CLUL1: variants seen among roughly 807,000 people sequenced by gnomAD.
The protein encoded by CLUL1 is clusterin-like protein 1.
Under a neutral mutation model 49.4 loss-of-function variants are expected in CLUL1, and 43 were observed. The ratio of observed to expected loss-of-function variants is 0.87; its 90% CI spans 0.68 to 1.12. The LOEUF is 1.12. Among genes scored for constraint, CLUL1 ranks in the 50% most tolerant of loss-of-function variants. The pLI is 0.00. For synonymous variants in CLUL1, 192 were observed against 184.9 expected (o/e 1.04, Z -0.31); for missense variants, 486 against 544.4 (o/e 0.89, Z 1.07).
chr18:637,838 G>A (rs538400256), intron 7 of CLUL1, among the ~76,000 whole-genome samples: 1 of 152,104 alleles, frequency 6.6e-6, no homozygotes, highest in East Asian at 1.9e-4. Flanking sequence ...GCCAGATATG[G>A]TGGTATGAAC....
chr18:597,941 T>G (rs1477346274), intron 1 of CLUL1: 1 of 152,214 alleles, frequency 6.6e-6, no homozygotes, highest in Non-Finnish European at 1.5e-5. Flanking sequence ...CTTAAACCGA[T>G]TACTCTAGCT....
chr18:620,877 G>A (rs1424033216), intron 4 of CLUL1, among the ~76,000 whole-genome samples: 1 of 151,968 alleles, frequency 6.6e-6, no homozygotes, highest in Non-Finnish European at 1.5e-5. Context: ...TTTAAAAAAG[G>A]TTATCTTCAA....
rs493609 is a variant in CLUL1 at position 606,115 on chromosome 18, A to T, written c.-135-863A>T. The stretch of plus-strand genomic sequence containing the variant: ...ATAAGAATATGCAAGTCCTCCCCTA[A>T]GGGTGGCAGGAAGAACACCCCTCCC... On this transcript the variant is annotated intron_variant, in intron 1 of 9. Coordinates refer to ENST00000692774, the MANE Select transcript of CLUL1 (RefSeq NM_001393344.1). This position sits in a 1 kb window ranked among gnomAD's most constrained non-coding sequence, Gnocchi z 4.1. Among the ~76,000 whole-genome samples, 59,559 of 152,046 alleles carry T rather than the reference A, an allele frequency of 0.39. 12,964 individuals carry two copies. The highest frequency in any genetic ancestry group is 0.59 in the African/African-American group (24,473 of 41,442).
chr18:627,528 A>T lies in CLUL1; in HGVS notation c.855A>T (p.Lys285Asn), dbSNP rs1318135383. 6.3e-7 allele frequency: 1 copy of T among 1,596,564 alleles called. No individual in the cohort carries two copies. The highest frequency in any genetic ancestry group is 8.5e-7 in the Non-Finnish European group (1 of 1,169,846). ...TAGAAGATTTACCAAAACAAGACAA[A>T]GGCAAGTATTAAAAGATTACTTTTA... ...KAIEDLPKQD[K>N]APDHGGLISK... The change falls in exon 6 of 10, where the codon AAA becomes AAT. Residue 285 changes from lysine (K) to asparagine (N), a missense_variant and splice_region_variant. Transcript: ENST00000692774.
chr18:634,863 C>T (rs916101697), intron 7 of CLUL1, among the ~76,000 whole-genome samples: 6 of 152,102 alleles, frequency 3.9e-5, no homozygotes, highest in African/African-American at 1.2e-4. Flanking sequence ...AGACTAAAGT[C>T]ACTCCTCCAA....
At chr18:633,692 G>C (rs548235980) in intron 7 of CLUL1, among the ~76,000 whole-genome samples, 151 of 152,160 alleles carry the variant, frequency 9.9e-4, no homozygotes, top group African/African-American at 3.5e-3. Flanking sequence ...TCCCCTATTG[G>C]CTAGGGTTAG....
intron 2 of CLUL1, among the ~76,000 whole-genome samples, chr18:613,485 C>T: frequency 7.2e-6 from 1 of 139,426 alleles, no homozygotes; most frequent in South Asian, 2.3e-4. Flanking sequence ...GATGGAGTCT[C>T]GCTCTGTTGC....
rs184071986 is a variant in CLUL1, at chr18:628,179, G to T, written c.856+650G>T. ...AGATGCTCAGCTCTATTCTGCTAAA[G>T]CATCAGAGAGCTTCTTTAAAATTGA... On this transcript the variant is annotated intron_variant, in intron 6 of 9. Coordinates refer to ENST00000692774, the MANE Select transcript of CLUL1 (RefSeq NM_001393344.1). Among the ~76,000 whole-genome samples the T allele has an allele frequency of 2.6e-5, 4 of 152,310 alleles. No homozygotes were observed. The East Asian group carries it at 7.7e-4, about 29-fold the overall frequency.
intron 1 of CLUL1, among the ~76,000 whole-genome samples, chr18:603,517 A>T (rs553151732): frequency 3.9e-5 from 6 of 152,212 alleles, no homozygotes; most frequent in Non-Finnish European, 8.8e-5. Flanking sequence ...AGAAATGCGT[A>T]GGGAAGAACA....
chr18:636,851 T>G (rs969951343), intron 7 of CLUL1, among the ~76,000 whole-genome samples: 1 of 152,046 alleles, frequency 6.6e-6, no homozygotes, highest in Non-Finnish European at 1.5e-5. Flanking sequence ...GGTGGCGAAC[T>G]CCTGACCTCA....
chr18:598,481 C>A, intron 1 of CLUL1: 1 of 398,504 alleles, frequency 2.5e-6, no homozygotes, highest in South Asian at 1.3e-4. Context: ...TGCCTGAGTT[C>A]CTCTCTAACA....
intron 2 of CLUL1, among the ~76,000 whole-genome samples, chr18:617,481 C>A (rs543643824): frequency 6.6e-6 from 1 of 151,190 alleles, no homozygotes; most frequent in Non-Finnish European, 1.5e-5. Context: ...ATAATCCCAG[C>A]TACTTGGGAA....
intron 1 of CLUL1, among the ~76,000 whole-genome samples, chr18:602,684 T>C (rs1166416086): frequency 2.6e-5 from 4 of 152,126 alleles, no homozygotes; most frequent in Non-Finnish European, 5.9e-5. Context: ...TATACACAAG[T>C]AGAATGGGGC....
intron 9 of CLUL1, among the ~76,000 whole-genome samples, chr18:646,550 G>A (rs1448939876): frequency 1.4e-5 from 2 of 145,684 alleles, no homozygotes; most frequent in African/African-American, 5.0e-5. Context: ...TATAAAGCAA[G>A]GCAAGATTTA....
intron 4 of CLUL1, 91 bp downstream of exon 4, chr18:619,452 C>A: frequency 2.5e-6 from 3 of 1,205,382 alleles, no homozygotes; most frequent in East Asian, 2.7e-5. Context: ...ACTTATTTTC[C>A]TTAGTAATAA....
chr18:598,592 G>A, intron 1 of CLUL1: 1 of 398,586 alleles, frequency 2.5e-6, no homozygotes. Context: ...GGTGAGCAGA[G>A]GGTCAGATCA....
rs528603571 is a variant in CLUL1, at chr18:619,863, C to T, written c.255+502C>T. Among the ~76,000 whole-genome samples, 3 of 152,232 alleles carry T rather than the reference C, an allele frequency of 2.0e-5. No individual in the cohort carries two copies. In the East Asian group the frequency reaches 5.8e-4, roughly 29 times the overall value. ...TAGCTGGGATTACAGGCTCCTACCA[C>T]CACGCCTGGCTAATTTTTGTATTTT... On this transcript the variant is annotated intron_variant, in intron 4 of 9. Transcript: ENST00000692774.
intron 6 of CLUL1, among the ~76,000 whole-genome samples, chr18:628,565 C>T (rs945285142): frequency 6.6e-6 from 1 of 152,044 alleles, no homozygotes; most frequent in African/African-American, 2.4e-5. Context: ...ACCCCTAAGC[C>T]AGGTTGAAGG....
At chr18:635,667 C>G (rs111959274) in intron 7 of CLUL1, among the ~76,000 whole-genome samples, 16,582 of 152,130 alleles carry the variant, frequency 0.11, 1,133 homozygotes, top group African/African-American at 0.18. Context: ...TCAGTGGAAA[C>G]TCCTGCCCCT....
Sources: gnomAD v4.1 joint callset for allele counts (sites outside exome capture counted in the v4.1 genomes callset) on GRCh38, gnomAD v4.1.1 for gene constraint, Gnocchi (gnomAD v3.1) non-coding constraint, MANE v1.5 for transcripts, NCBI Gene and HGNC (gene_info 2026-07-23, HGNC 2026-07-21) for gene names.